Variants in PDE4D observed in about 807,000 individuals in gnomAD.
PDE4D encodes phosphodiesterase 4D, also known as 3',5'-cyclic-AMP phosphodiesterase 4D.
PDE4D carries 24 observed loss-of-function variants against 87.4 expected under a neutral mutation model. The ratio of observed to expected loss-of-function variants is 0.27; its 90% confidence interval spans 0.20 to 0.39. The LOEUF (loss-of-function observed/expected upper bound fraction) is 0.39, where lower values mean the gene tolerates loss of function less well. Among genes scored for constraint, PDE4D ranks in the 10% least tolerant of loss-of-function variants. The pLI, the probability that PDE4D is intolerant of heterozygous loss-of-function variation, is 1.00. For synonymous variants in PDE4D, 384 were observed against 383.2 expected (o/e 1.00, Z -0.02); for missense variants, 714 against 1,041.0 (o/e 0.69, Z 4.32).
At chr5:59,730,908 T>C (rs1244807405) in intron 1 of PDE4D, among the ~76,000 whole-genome samples, 1 of 152,174 alleles carries the variant, frequency 6.6e-6, no homozygotes, top group Non-Finnish European at 1.5e-5. Flanking sequence ...ATACAGGTAA[T>C]ATCATCTGAT....
chr5:59,516,911 A>G (rs1811265497), intron 1 of PDE4D, among the ~76,000 whole-genome samples: 1 of 152,112 alleles, frequency 6.6e-6, no homozygotes, highest in African/African-American at 2.4e-5. Flanking sequence ...CTTGAGAACT[A>G]CTAGATTATA....
At chr5:59,030,930 C>T (rs1243936104) in intron 6 of PDE4D, among the ~76,000 whole-genome samples, 5 of 152,042 alleles carry the variant, frequency 3.3e-5, no homozygotes, top group Non-Finnish European at 7.4e-5. Context: ...GTTTGCTTCA[C>T]GTATCATCCC....
chr5:59,601,166 C>T (rs1430393900), intron 1 of PDE4D, among the ~76,000 whole-genome samples: 1 of 152,128 alleles, frequency 6.6e-6, no homozygotes, highest in East Asian at 1.9e-4. Context: ...CAGACTAACA[C>T]ATTCGTAAGA....
intron 1 of PDE4D, among the ~76,000 whole-genome samples, chr5:60,365,209 T>C (rs1367706094): frequency 2.0e-5 from 3 of 152,210 alleles, no homozygotes; most frequent in African/African-American, 2.4e-5. Context: ...GTGCCCAACA[T>C]ATTTTCTCCA....
chr5:60,147,883 GAGA>G (rs1781154597), intron 2 of PDE4D: 1 of 427,450 alleles, frequency 2.3e-6, no homozygotes, highest in Non-Finnish European at 4.7e-6. Flanking sequence ...TGAGTGATTG[GAGA>G]AAGAGAAACT....
At chr5:59,795,735 T>C (rs1766394774) in intron 1 of PDE4D, among the ~76,000 whole-genome samples, 1 of 152,112 alleles carries the variant, frequency 6.6e-6, no homozygotes, top group Non-Finnish European at 1.5e-5. Flanking sequence ...GCTGGTGCTA[T>C]GGGTTGAATT....
In PDE4D at chr5:59,164,627, C is replaced by T. The variant is rs918663938; in HGVS notation, c.808+15968G>A. On this transcript the variant is annotated intron_variant, in intron 5 of 14. Coordinates refer to ENST00000340635, the MANE Select transcript of PDE4D (RefSeq NM_001104631.2). Reference sequence around the variant, plus strand: ...TCCACCCTCTGACAATGCCTCACTGCTCCCCTGGGAAAAAGCACATATCTT... The same window carrying T: ...TCCACCCTCTGACAATGCCTCACTGTTCCCCTGGGAAAAAGCACATATCTT... Among the ~76,000 whole-genome samples, 5 of 152,140 alleles carry T rather than the reference C, an allele frequency of 3.3e-5. No homozygotes were observed. In the East Asian group the frequency reaches 7.7e-4, roughly 23 times the overall value.
intron 3 of PDE4D, among the ~76,000 whole-genome samples, chr5:59,932,438 T>C (rs1262527890): frequency 2.0e-5 from 3 of 152,210 alleles, no homozygotes; most frequent in Non-Finnish European, 2.9e-5. Context: ...CATTTAATCC[T>C]AATAAAAATC....
At chr5:60,020,703 T>C (rs1414167258) in intron 2 of PDE4D, among the ~76,000 whole-genome samples, 1 of 152,186 alleles carries the variant, frequency 6.6e-6, no homozygotes, top group Non-Finnish European at 1.5e-5. Flanking sequence ...CCCAGTCCTG[T>C]CACCAGTTGA....
chr5:59,773,668 A>T (rs919762701), intron 1 of PDE4D, among the ~76,000 whole-genome samples: 1 of 152,136 alleles, frequency 6.6e-6, no homozygotes, highest in Non-Finnish European at 1.5e-5. Context: ...CCACTTAGCC[A>T]AATAATATAT....
chr5:59,504,928 G>GTA (rs920240665), intron 1 of PDE4D, among the ~76,000 whole-genome samples: 2 of 151,624 alleles, frequency 1.3e-5, no homozygotes, highest in Non-Finnish European at 2.9e-5. Flanking sequence ...GTGTGTGTGT[G>GTA]TGTGTGTGTG....
intron 2 of PDE4D, among the ~76,000 whole-genome samples, chr5:60,014,544 A>C (rs775464154): frequency 6.6e-6 from 1 of 152,180 alleles, no homozygotes; most frequent in Non-Finnish European, 1.5e-5. Flanking sequence ...TAAAACCCTT[A>C]TAAGTTCCAC....
intron 1 of PDE4D, among the ~76,000 whole-genome samples, chr5:59,476,763 A>T (rs1422846688): frequency 6.6e-6 from 1 of 152,012 alleles, no homozygotes; most frequent in East Asian, 1.9e-4. Context: ...CATCCCTATA[A>T]CTCATTTATC....
intron 3 of PDE4D, among the ~76,000 whole-genome samples, chr5:59,916,087 A>G (rs529132397): frequency 9.8e-5 from 15 of 152,324 alleles, no homozygotes; most frequent in Middle Eastern, 3.4e-3. Flanking sequence ...AAATACGGGT[A>G]GTCAGTCACA....
At chr5:59,534,887 T>C (rs1814871017) in intron 1 of PDE4D, among the ~76,000 whole-genome samples, 2 of 152,052 alleles carry the variant, frequency 1.3e-5, no homozygotes, top group South Asian at 4.2e-4. Flanking sequence ...GAGGCCAGAA[T>C]GTGAGAAACC....
intron 5 of PDE4D, among the ~76,000 whole-genome samples, chr5:59,149,254 GGTTAGATGTTTCTTCTTAATCACTTA>G (rs2153459107): frequency 6.6e-6 from 1 of 152,256 alleles, no homozygotes; most frequent in East Asian, 1.9e-4. Context: ...TTCAAACTCA[GGTTAGATGTTTCTTCTTAATCACTTA>G]GGAGCCAGTA....
intron 1 of PDE4D, among the ~76,000 whole-genome samples, chr5:59,609,880 C>T (rs1001595696): frequency 6.6e-6 from 1 of 152,082 alleles, no homozygotes; most frequent in African/African-American, 2.4e-5. Context: ...CTAATCATAT[C>T]CCGGAAATAC....
chr5:59,133,150 T>C (rs894981819), intron 5 of PDE4D, among the ~76,000 whole-genome samples: 2 of 152,128 alleles, frequency 1.3e-5, no homozygotes, highest in South Asian at 4.1e-4. Context: ...GTCACATGCA[T>C]GAAACACAAA....
chr5:60,277,548 G>A (rs1351460547), intron 1 of PDE4D, among the ~76,000 whole-genome samples: 1 of 152,050 alleles, frequency 6.6e-6, no homozygotes, highest in East Asian at 1.9e-4. Flanking sequence ...GAGATGTAAT[G>A]TACTAGCATG....
Sources: gnomAD v4.1 joint callset for allele counts (sites outside exome capture counted in the v4.1 genomes callset) on GRCh38, gnomAD v4.1.1 for gene constraint, MANE v1.5 for transcripts, NCBI Gene and HGNC (gene_info 2026-07-23, HGNC 2026-07-21) for gene names.